Variants in GULP1 observed in about 807,000 individuals in gnomAD.
The protein encoded by GULP1 is PTB domain-containing engulfment adapter protein 1.
Under a neutral mutation model 40.9 loss-of-function variants are expected in GULP1, and 19 were observed. The ratio of observed to expected loss-of-function variants is 0.46; its 90% CI spans 0.32 to 0.68. GULP1 has a LOEUF of 0.68. Among genes scored for constraint, GULP1 ranks in the 30% least tolerant of loss-of-function variants. The pLI, the probability that GULP1 is intolerant of heterozygous loss-of-function variation, is 0.03. For missense variants in GULP1, 312 were observed against 362.2 expected (o/e 0.86, Z 1.12); for synonymous variants, 119 against 117.6 (o/e 1.01, Z -0.08).
At chr2:188,350,413 G>A (rs1221061987) in intron 1 of GULP1, among the ~76,000 whole-genome samples, 1 of 151,852 alleles carries the variant, frequency 6.6e-6, no homozygotes, top group Non-Finnish European at 1.5e-5. Flanking sequence ...GCACTTTTTT[G>A]TTACATTTAT....
At chr2:188,359,255 T>A (rs1439040180) in intron 1 of GULP1, among the ~76,000 whole-genome samples, 3 of 152,128 alleles carry the variant, frequency 2.0e-5, no homozygotes, top group Non-Finnish European at 4.4e-5. Context: ...GTTATACTTA[T>A]ATGCCATGCA....
At chr2:188,557,090 A>G (rs376370743) in intron 7 of GULP1, among the ~76,000 whole-genome samples, 2 of 152,078 alleles carry the variant, frequency 1.3e-5, no homozygotes, top group South Asian at 2.1e-4. Context: ...TCCATCTCCA[A>G]CATTGGAGAT....
rs573328069 is a variant in GULP1 at position 188,303,413 on chromosome 2, G to A, written c.-172+11247G>A. Among the ~76,000 whole-genome samples the A allele has an allele frequency of 2.0e-5, 3 of 152,274 alleles. No homozygotes were observed. The East Asian group carries it at 5.8e-4, about 29-fold the overall frequency. On this transcript the variant is annotated intron_variant, in intron 1 of 11. Transcript: ENST00000409830. ...CTAACCTAACCTGCTGAAAGAATAG[G>A]CAAAGTGTCATAATGGGCAGGTTTG...
intron 7 of GULP1, among the ~76,000 whole-genome samples, chr2:188,556,888 G>A (rs552871388): frequency 6.6e-6 from 1 of 152,230 alleles, no homozygotes; most frequent in African/African-American, 2.4e-5. Context: ...GCCATGTGTG[G>A]TGGCGGGTGC....
intron 4 of GULP1, among the ~76,000 whole-genome samples, chr2:188,516,416 A>AT (rs979280273): frequency 6.0e-5 from 9 of 149,734 alleles, no homozygotes; most frequent in South Asian, 2.1e-4. Context: ...ATCTTTTGTG[A>AT]TTTTTTTTCA....
chr2:188,520,077 G>T (rs553070838), intron 4 of GULP1, among the ~76,000 whole-genome samples: 4 of 152,260 alleles, frequency 2.6e-5, no homozygotes, highest in Admixed American at 2.0e-4. Context: ...TTCCAATCTT[G>T]ATAGCAGGAT....
At chr2:188,392,335 T>A (rs1261674147) in intron 2 of GULP1, among the ~76,000 whole-genome samples, 1 of 152,120 alleles carries the variant, frequency 6.6e-6, no homozygotes, top group Non-Finnish European at 1.5e-5. Context: ...CTAGAAGAGT[T>A]GTATGTTTTC....
intron 9 of GULP1, among the ~76,000 whole-genome samples, chr2:188,583,240 T>C (rs1013644639): frequency 6.6e-6 from 1 of 152,292 alleles, no homozygotes; most frequent in Non-Finnish European, 1.5e-5. Context: ...CTAGCAATTA[T>C]TTTAGCTGAA....
intron 4 of GULP1, among the ~76,000 whole-genome samples, chr2:188,519,231 GA>G (rs1463525450): frequency 2.6e-5 from 4 of 152,242 alleles, no homozygotes; most frequent in Non-Finnish European, 5.9e-5. Flanking sequence ...TTACACAAAG[GA>G]TTTAATTAAA....
intron 6 of GULP1, among the ~76,000 whole-genome samples, chr2:188,530,914 T>TTTGTTCC (rs1304408317): frequency 6.6e-6 from 1 of 152,236 alleles, no homozygotes; most frequent in African/African-American, 2.4e-5. Context: ...AGTGTTCTTC[T>TTTGTTCC]AACACCATAG....
chr2:188,515,156 A>G (rs1160412294), intron 4 of GULP1, among the ~76,000 whole-genome samples: 4 of 151,970 alleles, frequency 2.6e-5, no homozygotes, highest in Non-Finnish European at 4.4e-5. Flanking sequence ...TGGCTGTACC[A>G]TTTTACATTC....
intron 1 of GULP1, among the ~76,000 whole-genome samples, chr2:188,340,162 C>A (rs1377359116): frequency 2.0e-5 from 3 of 152,076 alleles, no homozygotes; most frequent in Admixed American, 1.3e-4. Flanking sequence ...GGCAAGGAAC[C>A]CTTCAGTTTC....
chr2:188,448,962 A>T (rs974148939), intron 2 of GULP1, among the ~76,000 whole-genome samples: 1 of 152,194 alleles, frequency 6.6e-6, no homozygotes, highest in Non-Finnish European at 1.5e-5. Flanking sequence ...AGCTGAGCAG[A>T]TGCCAGTGCC....
chr2:188,326,789 G>T (rs928434038), intron 1 of GULP1, among the ~76,000 whole-genome samples: 8 of 152,050 alleles, frequency 5.3e-5, no homozygotes, highest in African/African-American at 1.9e-4. Flanking sequence ...AATGATTAGG[G>T]CTGACATCAT....
chr2:188,494,086 A>G (rs905091976), intron 4 of GULP1, among the ~76,000 whole-genome samples: 2 of 152,042 alleles, frequency 1.3e-5, no homozygotes, highest in East Asian at 1.9e-4. Flanking sequence ...GACATAATGC[A>G]TTCCCAGACA....
intron 1 of GULP1, among the ~76,000 whole-genome samples, chr2:188,358,351 G>A (rs1178558531): frequency 6.6e-6 from 1 of 152,170 alleles, no homozygotes; most frequent in Non-Finnish European, 1.5e-5. Flanking sequence ...AGATGGGATA[G>A]GATAGGGAGT....
intron 2 of GULP1, among the ~76,000 whole-genome samples, chr2:188,476,515 T>C (rs985018861): frequency 6.6e-6 from 1 of 151,700 alleles, no homozygotes; most frequent in Non-Finnish European, 1.5e-5. Context: ...GGTCTCTAGG[T>C]TATCAAGGAA....
At position 188,587,889 on chromosome 2, in the gene GULP1, A is replaced by G; in HGVS notation, c.783A>G (p.Pro261=). Residue 261 remains proline, a synonymous_variant, in exon 11 of 12, where the codon CCA becomes CCG. Coordinates refer to ENST00000409830, the MANE Select transcript of GULP1 (RefSeq NM_016315.4). ...RDLFGAEPFD[P]FNCGAADFPP... ...TGTTTGGAGCAGAACCTTTTGACCC[A>G]TTTAACTGTGGAGCAGCAGATTTCC... The G allele has an allele frequency of 6.2e-7, 1 of 1,611,104 alleles. No individual in the cohort carries two copies. The highest frequency in any genetic ancestry group is 8.5e-7 in the Non-Finnish European group (1 of 1,177,344).
rs1042224663 is a variant in GULP1, at chr2:188,566,055, G to C, written c.400-3184G>C. On this transcript the variant is annotated intron_variant, in intron 7 of 11. Transcript: ENST00000409830. ...AAGTAGGCATAAGAGACATTCTGGT[G>C]GGCTAGAAATATTCTTTATTTTTAA... Among the ~76,000 whole-genome samples the C allele has an allele frequency of 2.6e-5, 4 of 151,996 alleles. No individual in the cohort carries two copies. The East Asian group carries it at 7.7e-4, about 29-fold the overall frequency.
Sources: allele counts gnomAD v4.1 joint callset (sites outside exome capture counted in the v4.1 genomes callset), GRCh38; gene constraint gnomAD v4.1.1; transcripts MANE v1.5; gene names NCBI Gene and HGNC (gene_info 2026-07-23, HGNC 2026-07-21).